The following GLT1D1 variants were observed in gnomAD, a reference collection of about 807,000 sequenced individuals.
The protein encoded by GLT1D1 is glycosyltransferase 1 domain containing 1.
In GLT1D1, 21 loss-of-function variants were observed where a neutral mutation model predicts 28.7. The ratio of observed to expected loss-of-function variants is 0.73; its 90% CI spans 0.52 to 1.05. The LOEUF (loss-of-function observed/expected upper bound fraction) is 1.05, where lower values mean the gene tolerates loss of function less well. Ranked by LOEUF, GLT1D1 falls within the 50% of genes least tolerant of loss-of-function variation. The pLI, the probability that GLT1D1 is intolerant of heterozygous loss-of-function variation, is 0.00. For missense variants in GLT1D1, 343 were observed against 330.6 expected, an observed-to-expected ratio of 1.04 and a Z score of -0.29; for synonymous variants, 147 against 124.8, an observed-to-expected ratio of 1.18 and a Z score of -1.19.
rs116037336 is a variant in GLT1D1 at position 128,870,398 on chromosome 12, A to G, written c.69-5516A>G. Among the ~76,000 whole-genome samples the G allele has an allele frequency of 6.9e-3, 1,057 of 152,250 alleles. 8 individuals are homozygous for G. Among genetic ancestry groups the G allele is most frequent in the African/African-American group, 0.023 (972 of 41,538 alleles). ...TGAATCTTGAGTCAGGCGCGCACAC[A>G]TAGGCTTCTTCTCTTTGTGGACCTG... On this transcript the variant is annotated intron_variant, in intron 1 of 7. Coordinates refer to ENST00000281703, the MANE Select transcript of GLT1D1 (RefSeq NM_144669.3).
intron 4 of GLT1D1, 87 bp from the exon 5 acceptor site, chr12:128,912,334 TTTG>T: frequency 1.3e-6 from 1 of 791,156 alleles, no homozygotes; most frequent in East Asian, 2.8e-5. Context: ...GACGGCTTTT[TTTG>T]TTAATGACCT....
chr12:128,891,828 A>G (rs1005998834), intron 3 of GLT1D1, among the ~76,000 whole-genome samples: 1 of 152,160 alleles, frequency 6.6e-6, no homozygotes, highest in Non-Finnish European at 1.5e-5. Context: ...GGTCTCAGTT[A>G]CTATTTAGAA....
rs144037676 is a variant in GLT1D1 at position 128,970,968 on chromosome 12, A to T, written c.640-11961A>T. Among the ~76,000 whole-genome samples, 642 of 152,340 alleles carry T rather than the reference A, an allele frequency of 4.2e-3. 5 individuals are homozygous for T. Among genetic ancestry groups the T allele is most frequent in the African/African-American group, 0.015 (605 of 41,580 alleles). The stretch of plus-strand genomic sequence containing the variant: ...AAGGGATGATTATGCCCCGGCGTAC[A>T]AGGCGCAACCCTTCCAGAGGGCGTG... On this transcript the variant is annotated intron_variant, in intron 7 of 7. Transcript: ENST00000281703.
intron 4 of GLT1D1, among the ~76,000 whole-genome samples, chr12:128,901,265 A>G (rs561682344): frequency 9.9e-5 from 15 of 152,222 alleles, no homozygotes; most frequent in African/African-American, 3.1e-4. Flanking sequence ...CTTTTCAAAT[A>G]TTAACTTTTG....
chr12:128,875,768 C>A, intron 1 of GLT1D1, 146 bp from the exon 2 acceptor site: 1 of 780,750 alleles, frequency 1.3e-6, no homozygotes. Flanking sequence ...CCATTGCTCC[C>A]CAGCCTGGGC....
At chr12:128,925,748 C>T (rs61945029) in intron 4 of GLT1D1, among the ~76,000 whole-genome samples, 40,083 of 152,088 alleles carry the variant, frequency 0.26, 6,741 homozygotes, top group Non-Finnish European at 0.36. Context: ...TTTTCTAGAA[C>T]GTCTGGCTCC....
intron 7 of GLT1D1, among the ~76,000 whole-genome samples, chr12:128,980,700 C>G (rs1291381398): frequency 6.6e-6 from 1 of 152,218 alleles, no homozygotes; most frequent in East Asian, 1.9e-4. Context: ...ACCTGGTGGT[C>G]TCCAGGGCCG....
intron 7 of GLT1D1, among the ~76,000 whole-genome samples, chr12:128,967,710 G>T (rs766787256): frequency 6.6e-6 from 1 of 152,226 alleles, no homozygotes; most frequent in Non-Finnish European, 1.5e-5. Flanking sequence ...TTCGAGTTAC[G>T]TTCTACTTAC....
chr12:128,899,358 G>T, intron 4 of GLT1D1, 71 bp downstream of exon 4: 2 of 1,238,368 alleles, frequency 1.6e-6, no homozygotes, highest in Non-Finnish European at 2.4e-6. Context: ...CCGAAAGGCA[G>T]CCTTACTGAG....
At chr12:128,899,340 T>A in intron 4 of GLT1D1, 53 bp downstream of exon 4, 1 of 1,490,254 alleles carries the variant, frequency 6.7e-7, no homozygotes, top group Non-Finnish European at 9.4e-7. Context: ...AATTGCAGAA[T>A]TCGAGAACCG....
At chr12:128,965,721 A>AG (rs1358564002) in intron 7 of GLT1D1, among the ~76,000 whole-genome samples, 4 of 135,958 alleles carry the variant, frequency 2.9e-5, no homozygotes, top group African/African-American at 1.1e-4. Flanking sequence ...AAAAAAAAAA[A>AG]AAAAAAAAAA....
At chr12:128,899,393 C>A in intron 4 of GLT1D1, 106 bp downstream of exon 4, 3 of 886,702 alleles carry the variant, frequency 3.4e-6, no homozygotes, top group South Asian at 1.3e-5. Flanking sequence ...ATGGACGGTG[C>A]CTGTTGCGGC....
chr12:128,922,777 G>C (rs1247333207), intron 4 of GLT1D1, among the ~76,000 whole-genome samples: 1 of 152,028 alleles, frequency 6.6e-6, no homozygotes, highest in African/African-American at 2.4e-5. Flanking sequence ...ACCAAAAAGA[G>C]CCGGGCATGA....
intron 3 of GLT1D1, among the ~76,000 whole-genome samples, chr12:128,894,897 A>AT (rs1228570946): frequency 6.7e-6 from 1 of 150,010 alleles, no homozygotes; most frequent in Non-Finnish European, 1.5e-5. Flanking sequence ...TATATATATA[A>AT]CATGGACTCA....
At chr12:128,967,015 T>C (rs911287250) in intron 7 of GLT1D1, among the ~76,000 whole-genome samples, 1 of 152,258 alleles carries the variant, frequency 6.6e-6, no homozygotes, top group African/African-American at 2.4e-5. Flanking sequence ...CTCTGTTTTA[T>C]AGCTTCGAAA....
intron 1 of GLT1D1, among the ~76,000 whole-genome samples, chr12:128,871,733 T>C (rs930576746): frequency 6.6e-6 from 1 of 152,140 alleles, no homozygotes; most frequent in African/African-American, 2.4e-5. Flanking sequence ...CTGATCTTTG[T>C]CCTCCTCTTC....
At chr12:128,901,969 T>G (rs943905973) in intron 4 of GLT1D1, among the ~76,000 whole-genome samples, 2 of 151,724 alleles carry the variant, frequency 1.3e-5, no homozygotes, top group Non-Finnish European at 2.9e-5. Context: ...AGGTTGTCAG[T>G]TTCCCAATAT....
intron 4 of GLT1D1, among the ~76,000 whole-genome samples, chr12:128,937,188 C>G (rs190999257): frequency 6.6e-6 from 1 of 151,998 alleles, no homozygotes; most frequent in African/African-American, 2.4e-5. Context: ...TATGTAGAGC[C>G]CAAAAAAGGC....
chr12:128,866,633 T>C (rs1422778302), intron 1 of GLT1D1, among the ~76,000 whole-genome samples: 1 of 151,182 alleles, frequency 6.6e-6, no homozygotes, highest in African/African-American at 2.4e-5. Flanking sequence ...TTTTTTTTTT[T>C]TTCTTGAGAC....
Sources: gnomAD v4.1 joint callset for allele counts (sites outside exome capture counted in the v4.1 genomes callset) on GRCh38, gnomAD v4.1.1 for gene constraint, MANE v1.5 for transcripts, NCBI Gene and HGNC (gene_info 2026-07-23, HGNC 2026-07-21) for gene names.